The following UNC5C variants were observed in gnomAD, a reference collection of about 807,000 sequenced individuals.
UNC5C encodes netrin receptor UNC5C.
A neutral mutation model predicts 99.8 loss-of-function variants in UNC5C; 47 were observed. That is an observed-to-expected ratio of 0.47 (90% confidence interval 0.37 to 0.60). UNC5C has a LOEUF of 0.60. Ranked by LOEUF, UNC5C falls within the 20% of genes least tolerant of loss-of-function variation. UNC5C has a pLI of 0.00. For synonymous variants in UNC5C, 487 were observed against 452.2 expected (o/e 1.08, Z -0.98); for missense variants, 1,062 against 1,165.9 (o/e 0.91, Z 1.30).
intron 1 of UNC5C, among the ~76,000 whole-genome samples, chr4:95,513,633 C>T (rs1366019189): frequency 2.6e-5 from 4 of 151,970 alleles, no homozygotes; most frequent in Non-Finnish European, 5.9e-5. Context: ...ATTTGTATTG[C>T]TGAATATATA....
At chr4:95,520,721 C>T (rs1722331387) in intron 1 of UNC5C, among the ~76,000 whole-genome samples, 1 of 151,622 alleles carries the variant, frequency 6.6e-6, no homozygotes, top group Admixed American at 6.6e-5. Flanking sequence ...GCCTCAGCCT[C>T]CCGAGTAGCT....
In UNC5C at chr4:95,167,258, T is replaced by C; in HGVS notation, c.*1976A>G. 6.6e-6 allele frequency: 1 copy of C among 152,252 alleles called. No individual in the cohort carries two copies. The highest frequency in any genetic ancestry group is 1.9e-4 in the East Asian group (1 of 5,202). The allele number at this position is 152,252 out of a possible 1,614,324, so 9.4% of individuals were successfully genotyped here. A position where few individuals can be genotyped will look rare whatever the true frequency, so the allele number is the denominator to read the frequency against. On this transcript the variant is annotated 3_prime_UTR_variant, in exon 16 of 16. Coordinates refer to ENST00000453304, the MANE Select transcript of UNC5C (RefSeq NM_003728.4). Reference sequence around the variant, plus strand: ...ATTCATACACATGTCTGCTTGTTCTTCAGTTTTGGTTTTGCTACTGGGCTT... The same window carrying C: ...ATTCATACACATGTCTGCTTGTTCTCCAGTTTTGGTTTTGCTACTGGGCTT...
chr4:95,487,017 C>A (rs1047781073), intron 1 of UNC5C, among the ~76,000 whole-genome samples: 1 of 151,654 alleles, frequency 6.6e-6, no homozygotes, highest in Admixed American at 6.6e-5. Flanking sequence ...CACTCTTTGG[C>A]CTTTTCCCAT....
chr4:95,298,097 C>T (rs1423376233), intron 3 of UNC5C, among the ~76,000 whole-genome samples: 2 of 152,164 alleles, frequency 1.3e-5, no homozygotes, highest in Non-Finnish European at 2.9e-5. Context: ...ATCGCTTGTG[C>T]CCAGGAGTTT....
At chr4:95,254,617 C>T (rs572287435) in intron 4 of UNC5C, among the ~76,000 whole-genome samples, 129 of 152,250 alleles carry the variant, frequency 8.5e-4, no homozygotes, top group African/African-American at 3.0e-3. Flanking sequence ...AAGGCTCTGC[C>T]CACCTATTAC....
chr4:95,268,012 C>T lies in UNC5C; in HGVS notation c.594+10247G>A, dbSNP rs557476018. Among the ~76,000 whole-genome samples, 535 of 139,524 alleles carry T rather than the reference C, an allele frequency of 3.8e-3. 1 individual carries two copies. The highest frequency in any genetic ancestry group is 0.014 in the African/African-American group (516 of 36,728). 91.5% of individuals were successfully genotyped at this position (139,524 alleles called of 152,430 possible). A position where few individuals can be genotyped will look rare whatever the true frequency, so the allele number is the denominator to read the frequency against. On this transcript the variant is annotated intron_variant, in intron 4 of 15. Coordinates refer to ENST00000453304, the MANE Select transcript of UNC5C (RefSeq NM_003728.4). ...TAACCCAGGCTGGAGTGCAGTGGCG[C>T]GATCTCGGCTCACTGCAAGCTCCGC... is the stretch of plus-strand genomic sequence containing the variant.
chr4:95,255,639 G>GTCCA (rs1312944958), intron 4 of UNC5C, among the ~76,000 whole-genome samples: 3 of 152,008 alleles, frequency 2.0e-5, no homozygotes, highest in African/African-American at 7.2e-5. Flanking sequence ...TTTGTACTCC[G>GTCCA]TATCTTAGTC....
At chr4:95,180,013 C>CA (rs1553949967) in intron 14 of UNC5C, among the ~76,000 whole-genome samples, 3 of 151,978 alleles carry the variant, frequency 2.0e-5, no homozygotes, top group Middle Eastern at 6.8e-3. Flanking sequence ...AGACCCCCCC[C>CA]ACGGATTGAA....
At chr4:95,240,987 A>C (rs1283268286) in intron 7 of UNC5C, among the ~76,000 whole-genome samples, 2 of 152,226 alleles carry the variant, frequency 1.3e-5, no homozygotes, top group Non-Finnish European at 2.9e-5. Flanking sequence ...GAAATAGTAC[A>C]TTGAGAGAGA....
At chr4:95,413,442 G>A (rs1026107069) in intron 1 of UNC5C, among the ~76,000 whole-genome samples, 1 of 152,124 alleles carries the variant, frequency 6.6e-6, no homozygotes, top group Non-Finnish European at 1.5e-5. Context: ...CTCCCTTTCA[G>A]AATTGCCATT....
intron 1 of UNC5C, among the ~76,000 whole-genome samples, chr4:95,480,334 T>C (rs1012676008): frequency 2.0e-5 from 3 of 151,926 alleles, no homozygotes; most frequent in Admixed American, 6.6e-5. Context: ...TGGAGAAAGA[T>C]GACTAATAGG....
intron 4 of UNC5C, 35 bp from the exon 5 acceptor site, chr4:95,250,702 G>A (rs180688223): frequency 1.3e-6 from 2 of 1,599,112 alleles, no homozygotes; most frequent in Non-Finnish European, 8.5e-7. Flanking sequence ...TAAATCCTCA[G>A]CATGGATCCC....
At chr4:95,371,436 G>GGGA (rs1744746757) in intron 1 of UNC5C, among the ~76,000 whole-genome samples, 3 of 14,496 alleles carry the variant, frequency 2.1e-4, no homozygotes, top group African/African-American at 5.2e-4. Context: ...GGGGGGGGGA[G>GGGA]TATCAAATGT....
intron 3 of UNC5C, among the ~76,000 whole-genome samples, chr4:95,289,572 A>T (rs1397169251): frequency 6.6e-6 from 1 of 152,186 alleles, no homozygotes; most frequent in Non-Finnish European, 1.5e-5. Flanking sequence ...ATTTTTTTAA[A>T]AAAAGCTGTT....
At chr4:95,450,295 C>A (rs772246195) in intron 1 of UNC5C, among the ~76,000 whole-genome samples, 3 of 152,210 alleles carry the variant, frequency 2.0e-5, no homozygotes, top group Non-Finnish European at 4.4e-5. Context: ...TCATAGCTCA[C>A]TGAGGCCTCA....
chr4:95,367,688 C>G (rs548552231), intron 1 of UNC5C, among the ~76,000 whole-genome samples: 2 of 152,090 alleles, frequency 1.3e-5, no homozygotes, highest in Non-Finnish European at 2.9e-5. Context: ...TTTGAACATA[C>G]TATTTATCCT....
intron 1 of UNC5C, among the ~76,000 whole-genome samples, chr4:95,531,300 T>C (rs1287269215): frequency 1.3e-5 from 2 of 152,230 alleles, no homozygotes; most frequent in Non-Finnish European, 2.9e-5. Context: ...CTGCTGCTGA[T>C]AATTACAGGT....
At chr4:95,247,339 A>T (rs1328687522) in intron 5 of UNC5C, among the ~76,000 whole-genome samples, 1 of 152,070 alleles carries the variant, frequency 6.6e-6, no homozygotes, top group Non-Finnish European at 1.5e-5. Context: ...GTAAAGGACA[A>T]GCAGATGGTA....
At chr4:95,313,497 C>T (rs903946306) in intron 2 of UNC5C, among the ~76,000 whole-genome samples, 1 of 152,084 alleles carries the variant, frequency 6.6e-6, no homozygotes, top group African/African-American at 2.4e-5. Flanking sequence ...GTGTTAAGAG[C>T]AATATCCTTA....
Sources: gnomAD v4.1 joint callset for allele counts (sites outside exome capture counted in the v4.1 genomes callset) on GRCh38, gnomAD v4.1.1 for gene constraint, MANE v1.5 for transcripts, NCBI Gene and HGNC (gene_info 2026-07-23, HGNC 2026-07-21) for gene names.